The following SUFU variants were observed in gnomAD, a reference collection of about 807,000 sequenced individuals.
SUFU encodes suppressor of fused homolog.
Under a neutral mutation model 58.9 loss-of-function variants are expected in SUFU, and 7 were observed. That is an observed-to-expected ratio of 0.12 (90% CI 0.07 to 0.22). SUFU has a LOEUF of 0.22. Ranked by LOEUF, SUFU falls within the 10% of genes least tolerant of loss-of-function variation. SUFU has a pLI of 1.00. For missense variants in SUFU, 451 were observed against 641.3 expected (o/e 0.70, Z 3.20); for synonymous variants, 232 against 254.8 (o/e 0.91, Z 0.85).
At chr10:102,514,446 C>T (rs1308418958) in intron 2 of SUFU, among the ~76,000 whole-genome samples, 2 of 152,156 alleles carry the variant, frequency 1.3e-5, no homozygotes, top group African/African-American at 4.8e-5. Context: ...TAAAGGAAAC[C>T]AGGCAAGAGA....
chr10:102,577,515 T>A (rs1394186254), intron 3 of SUFU, among the ~76,000 whole-genome samples: 1 of 152,068 alleles, frequency 6.6e-6, no homozygotes, highest in Non-Finnish European at 1.5e-5. Flanking sequence ...AATTTTGTAT[T>A]TTTTGCAGAG....
rs1435778513 is a variant in SUFU at position 102,617,657 on chromosome 10, C to A, written c.1296+229C>A. The A allele has an allele frequency of 1.6e-6, 1 of 626,346 alleles. No individual in the cohort carries two copies. The allele number at this position is 626,346 out of a possible 1,614,324, so 38.8% of individuals were successfully genotyped here. On this transcript the variant is annotated intron_variant, in intron 10 of 11. Transcript: ENST00000369902. The surrounding 1 kb of genome is among the most constrained non-coding windows in gnomAD (Gnocchi z 4.4). Reference sequence around the variant, plus strand: ...CCTTCTCCCCCTGTCACCTGAGACACAAGTGTTAACTCTCCAGGCCCTGGC... The same window carrying A: ...CCTTCTCCCCCTGTCACCTGAGACAAAAGTGTTAACTCTCCAGGCCCTGGC...
At chr10:102,613,368 C>CA (rs913720150) in intron 8 of SUFU, among the ~76,000 whole-genome samples, 2 of 152,224 alleles carry the variant, frequency 1.3e-5, no homozygotes, top group African/African-American at 4.8e-5. Context: ...AGTGAGTCCT[C>CA]ACAAGGAGAA....
At chr10:102,614,975 T>C (rs2063670184) in intron 8 of SUFU, among the ~76,000 whole-genome samples, 1 of 152,016 alleles carries the variant, frequency 6.6e-6, no homozygotes, top group African/African-American at 2.4e-5. Flanking sequence ...ACTCCCTGGC[T>C]GTGCAACCTG....
chr10:102,528,106 G>T (rs1363492481), intron 2 of SUFU, among the ~76,000 whole-genome samples: 3 of 152,136 alleles, frequency 2.0e-5, no homozygotes, highest in Non-Finnish European at 4.4e-5. Context: ...AATTCCTGTA[G>T]CGCTCCAGGC....
At chr10:102,539,883 C>G (rs757712537) in intron 2 of SUFU, among the ~76,000 whole-genome samples, 13 of 152,122 alleles carry the variant, frequency 8.5e-5, no homozygotes, top group Non-Finnish European at 1.6e-4. Context: ...CTGGCAAGTC[C>G]AAAATCTTTA....
intron 2 of SUFU, among the ~76,000 whole-genome samples, chr10:102,522,484 G>A (rs557054761): frequency 2.0e-5 from 3 of 152,222 alleles, no homozygotes; most frequent in East Asian, 3.9e-4. Flanking sequence ...ACTGAGATTG[G>A]CTTACAGAGT....
intron 3 of SUFU, among the ~76,000 whole-genome samples, chr10:102,579,127 A>C (rs1205091000): frequency 6.6e-6 from 1 of 152,248 alleles, no homozygotes; most frequent in Admixed American, 6.5e-5. Flanking sequence ...TGTACTTTAC[A>C]GGTGGGCATA....
intron 6 of SUFU, among the ~76,000 whole-genome samples, chr10:102,596,041 G>A (rs944106928): frequency 1.3e-5 from 2 of 152,152 alleles, no homozygotes. Flanking sequence ...TACACAGAGC[G>A]CTTCCCTGCT....
chr10:102,631,583 G>C lies in SUFU; in HGVS notation c.*1428G>C, dbSNP rs2063837472. On this transcript the variant is annotated 3_prime_UTR_variant, in exon 12 of 12. Transcript: ENST00000369902. ...TCAAAGCAAAGTCATGACAATGCAG[G>C]GCTCCTCATTGCTCCCATCTGCCTC... The C allele has an allele frequency of 4.3e-6, 1 of 233,436 alleles. No homozygotes were observed. Among genetic ancestry groups the C allele is most frequent in the Admixed American group, 5.6e-5 (1 of 17,780 alleles). 14.5% of individuals were successfully genotyped at this position (233,436 alleles called of 1,614,324 possible).
chr10:102,549,489 G>T (rs1242643072), intron 2 of SUFU, among the ~76,000 whole-genome samples: 1 of 152,148 alleles, frequency 6.6e-6, no homozygotes, highest in Non-Finnish European at 1.5e-5. Flanking sequence ...AGACTATGGG[G>T]ATTACAATTC....
chr10:102,547,839 GAGAGAGAAAGAA>G (rs769060827), intron 2 of SUFU, among the ~76,000 whole-genome samples: 191 of 152,018 alleles, frequency 1.3e-3, no homozygotes, highest in East Asian at 1.5e-3. Flanking sequence ...GGGGGAGAGA[GAGAGAGAAAGAA>G]AGAGAGAAAG....
Position 102,504,276 on chromosome 10 carries a change from C to A in SUFU, c.124C>A (p.Arg42Ser). ...ACTGCACGCCATCTACGGAGAGTGC[C>A]GCCGCCTTTACCCTGACCAGCCGAA... ...PGLHAIYGEC[R>S]RLYPDQPNPL... Residue 42 changes from arginine to serine, a missense_variant, in exon 1 of 12, where the codon CGC (arginine) becomes AGC (serine). Physicochemically the swap from Arg to Ser is moderately radical, Grantham distance 110. Transcript: ENST00000369902. 1 of 1,614,048 alleles carries A rather than the reference C, an allele frequency of 6.2e-7. No homozygotes were observed. Among genetic ancestry groups the A allele is most frequent in the Non-Finnish European group, 8.5e-7 (1 of 1,180,024 alleles).
chr10:102,616,564 G>C (rs1185039483), intron 9 of SUFU, among the ~76,000 whole-genome samples: 1 of 152,248 alleles, frequency 6.6e-6, no homozygotes, highest in Non-Finnish European at 1.5e-5. Flanking sequence ...CTGGTGAAGG[G>C]TTAATTGGAG....
chr10:102,571,885 C>T (rs2063165113), intron 3 of SUFU, among the ~76,000 whole-genome samples: 1 of 152,084 alleles, frequency 6.6e-6, no homozygotes, highest in African/African-American at 2.4e-5. Flanking sequence ...TTGAGGCTCC[C>T]CTGGAGAAGA....
At chr10:102,504,594 G>A (rs1286922436) in intron 1 of SUFU, among the ~76,000 whole-genome samples, 1 of 151,250 alleles carries the variant, frequency 6.6e-6, no homozygotes, top group Non-Finnish European at 1.5e-5. Flanking sequence ...TAGGAGCAGA[G>A]GGGGGAACGG....
intron 3 of SUFU, among the ~76,000 whole-genome samples, chr10:102,561,963 C>T (rs551829193): frequency 2.2e-4 from 34 of 152,280 alleles, no homozygotes; most frequent in Non-Finnish European, 2.5e-4. Flanking sequence ...CCCACTGCGC[C>T]TGGCTAGCAA....
chr10:102,615,695 G>A (rs961133812), intron 9 of SUFU, among the ~76,000 whole-genome samples: 1 of 152,202 alleles, frequency 6.6e-6, no homozygotes, highest in Non-Finnish European at 1.5e-5. Context: ...ATGTCACTGG[G>A]CCATGCGGTG....
In SUFU at chr10:102,633,180, T is replaced by C. The variant is rs896765914; in HGVS notation, c.*3025T>C. The C allele has an allele frequency of 7.7e-5, 18 of 233,344 alleles. No individual in the cohort carries two copies. Among genetic ancestry groups the C allele is most frequent in the Non-Finnish European group, 8.5e-6 (1 of 118,022 alleles). The allele number at this position is 233,344 out of a possible 1,614,324, so 14.5% of individuals were successfully genotyped here. A position where few individuals can be genotyped will look rare whatever the true frequency, so the allele number is the denominator to read the frequency against. The stretch of plus-strand genomic sequence containing the variant: ...TGTCTGGTCTTCCCTTTCTGGCTTC[T>C]AGGACATCCATGCCAGGTGAGGTGC... On this transcript the variant is annotated 3_prime_UTR_variant, in exon 12 of 12. Transcript: ENST00000369902.
Sources: gnomAD v4.1 joint callset for allele counts (sites outside exome capture counted in the v4.1 genomes callset) on GRCh38, gnomAD v4.1.1 for gene constraint, Gnocchi (gnomAD v3.1) non-coding constraint, MANE v1.5 for transcripts, NCBI Gene and HGNC (gene_info 2026-07-23, HGNC 2026-07-21) for gene names.